Variants in SDAD1 observed in about 807,000 individuals in gnomAD.
The protein encoded by SDAD1 is protein SDA1 homolog.
In SDAD1, 79 loss-of-function variants were observed where a neutral mutation model predicts 100.3. The observed-to-expected ratio is 0.79, with a 90% CI of 0.66 to 0.95. The LOEUF (loss-of-function observed/expected upper bound fraction) is 0.95. Ranked by LOEUF, SDAD1 falls within the 40% of genes least tolerant of loss-of-function variation. SDAD1 has a pLI of 0.00. For missense variants in SDAD1, 790 were observed against 810.9 expected (o/e 0.97, Z 0.31); for synonymous variants, 267 against 271.4 (o/e 0.98, Z 0.16).
intron 20 of SDAD1, among the ~76,000 whole-genome samples, chr4:75,956,617 C>T (rs1348331814): frequency 6.6e-6 from 1 of 152,188 alleles, no homozygotes; most frequent in Non-Finnish European, 1.5e-5. Context: ...AGGACACAGA[C>T]ATGAGCAGCC....
At chr4:75,950,862 C>G (rs1351725583) in intron 21 of SDAD1, 65 bp from the exon 22 acceptor site, 2 of 1,120,448 alleles carry the variant, frequency 1.8e-6, no homozygotes, top group African/African-American at 3.1e-5. Flanking sequence ...AATTTGGTTA[C>G]ATGAAAGTTT....
chr4:75,957,880 C>T lies in SDAD1; in HGVS notation c.1545G>A (p.Val515=), dbSNP rs370821030. 6.2e-6 allele frequency: 10 copies of T among 1,613,606 alleles called. No individual in the cohort carries two copies. The African/African-American group carries it at 9.3e-5, about 15-fold the overall frequency. Residue 515 remains valine, a synonymous_variant, in exon 18 of 22, where the codon GTG becomes GTA. Transcript: ENST00000356260. ...EEDADGEWID[V]QHSSDEEQQE... ...GCTGTTCTTCATCGGAAGAGTGTTGCACATCAATCCATTCACCATCAGCAT... is the reference window on the plus strand; with the variant it reads ...GCTGTTCTTCATCGGAAGAGTGTTGTACATCAATCCATTCACCATCAGCAT...
intron 1 of SDAD1, 162 bp downstream of exon 1, chr4:75,990,590 G>A: frequency 6.8e-7 from 1 of 1,465,598 alleles, no homozygotes; most frequent in Non-Finnish European, 9.4e-7. Flanking sequence ...GAACCCTAAG[G>A]CATGTCCCGT....
At chr4:75,973,187 G>A (rs1016668642) in intron 8 of SDAD1, 130 bp downstream of exon 8, 27 of 661,504 alleles carry the variant, frequency 4.1e-5, no homozygotes, top group Non-Finnish European at 6.9e-5. Context: ...AAAATAGCAT[G>A]GCAGAATTCA....
At chr4:75,968,534 G>A (rs1436308295) in intron 11 of SDAD1, among the ~76,000 whole-genome samples, 7 of 152,170 alleles carry the variant, frequency 4.6e-5, no homozygotes, top group East Asian at 1.9e-4. Flanking sequence ...AACAGTATGT[G>A]TAAAGTTCCC....
At chr4:75,963,645 C>A (rs547005560) in intron 14 of SDAD1, among the ~76,000 whole-genome samples, 2 of 152,070 alleles carry the variant, frequency 1.3e-5, no homozygotes, top group Non-Finnish European at 2.9e-5. Context: ...GAGAAGGTCC[C>A]TTATCACCAG....
chr4:75,960,814 T>C (rs2149312276), intron 16 of SDAD1, among the ~76,000 whole-genome samples: 1 of 152,310 alleles, frequency 6.6e-6, no homozygotes, highest in African/African-American at 2.4e-5. Context: ...GCCTGATAGG[T>C]CTTCAAGACA....
In SDAD1 at chr4:75,981,669, T is replaced by C. The variant is rs1445010233; in HGVS notation, c.196-199A>G. 4.7e-5 allele frequency: 44 copies of C among 937,894 alleles called. No individual in the cohort carries two copies. The East Asian group carries it at 1.1e-3, about 24-fold the overall frequency. The allele number at this position is 937,894 out of a possible 1,614,324, so 58.1% of individuals were successfully genotyped here. ...GTTTCTCTAGTCTTAGTAATATTTATGGCATGATTTAGTACCTGCTTTTAT... is the reference window on the plus strand; with the variant it reads ...GTTTCTCTAGTCTTAGTAATATTTACGGCATGATTTAGTACCTGCTTTTAT... On this transcript the variant is annotated intron_variant, in intron 2 of 21. Transcript: ENST00000356260.
intron 6 of SDAD1, among the ~76,000 whole-genome samples, chr4:75,974,805 G>T (rs1482646194): frequency 6.6e-6 from 1 of 152,150 alleles, no homozygotes; most frequent in Non-Finnish European, 1.5e-5. Flanking sequence ...ACTTTGGGAG[G>T]CCGAAGCGGG....
chr4:75,986,081 T>C (rs887402325), intron 1 of SDAD1, among the ~76,000 whole-genome samples: 7 of 152,198 alleles, frequency 4.6e-5, no homozygotes, highest in South Asian at 2.1e-4. Context: ...CTGAACATGG[T>C]TGGAGAAAAT....
At chr4:75,963,476 G>A (rs1729365745) in intron 14 of SDAD1, among the ~76,000 whole-genome samples, 1 of 152,030 alleles carries the variant, frequency 6.6e-6, no homozygotes, top group East Asian at 1.9e-4. Context: ...AAATTACCTT[G>A]GGCAGTATGG....
chr4:75,951,745 C>T (rs1728640169), intron 21 of SDAD1, among the ~76,000 whole-genome samples: 1 of 152,084 alleles, frequency 6.6e-6, no homozygotes, highest in Non-Finnish European at 1.5e-5. Context: ...CAAAAGAAAG[C>T]AAACATAGTA....
intron 13 of SDAD1, 41 bp from the exon 14 acceptor site, chr4:75,964,252 T>A (rs1051666165): frequency 7.7e-7 from 1 of 1,296,002 alleles, no homozygotes; most frequent in East Asian, 2.4e-5. Context: ...TGATTAAATG[T>A]CTGCATACAC....
At position 75,968,088 on chromosome 4, in the gene SDAD1, G is replaced by C. The variant is rs1212212756; in HGVS notation, c.988-754C>G. On this transcript the variant is annotated intron_variant, in intron 11 of 21. Coordinates refer to ENST00000356260, the MANE Select transcript of SDAD1 (RefSeq NM_018115.4). Reference sequence around the variant, plus strand: ...AGGGAAGACTTTGGTTGAACATAATGATGGATGTTCAATTGTAGTCAGTTG... The same window carrying C: ...AGGGAAGACTTTGGTTGAACATAATCATGGATGTTCAATTGTAGTCAGTTG... Among the ~76,000 whole-genome samples the C allele has an allele frequency of 2.6e-5, 4 of 152,284 alleles. No homozygotes were observed. In the East Asian group the frequency reaches 7.7e-4, roughly 29 times the overall value.
At chr4:75,989,186 A>G (rs1377724229) in intron 1 of SDAD1, among the ~76,000 whole-genome samples, 7 of 152,072 alleles carry the variant, frequency 4.6e-5, no homozygotes, top group Non-Finnish European at 7.4e-5. Context: ...TATGCTGACT[A>G]CACTTTAGCT....
At chr4:75,965,152 T>G (rs1328808445) in intron 13 of SDAD1, among the ~76,000 whole-genome samples, 7 of 152,186 alleles carry the variant, frequency 4.6e-5, no homozygotes, top group Admixed American at 3.9e-4. Context: ...AAAGAGAATG[T>G]GTTCCTAGAG....
At position 75,981,400 on chromosome 4, in the gene SDAD1, T is replaced by C. The variant is rs1730502345; in HGVS notation, c.266A>G (p.His89Arg). Residue 89 changes from histidine to arginine, a missense_variant, in exon 3 of 22, where the codon CAT becomes CGT. Coordinates refer to ENST00000356260, the MANE Select transcript of SDAD1 (RefSeq NM_018115.4). ...QEVKDLLSCN[H>R]TVLDPDLRMT... ...TCGCAGATCTGGATCCAATACGGTA[T>C]GATTGCAGGAGAGAAGATCTTTCAC... The C allele has an allele frequency of 1.2e-6, 2 of 1,613,918 alleles. No individual in the cohort carries two copies. Among genetic ancestry groups the C allele is most frequent in the East Asian group, 4.5e-5 (2 of 44,864 alleles).
chr4:75,979,254 G>A (rs768162184), intron 3 of SDAD1, among the ~76,000 whole-genome samples: 1 of 151,994 alleles, frequency 6.6e-6, no homozygotes, highest in South Asian at 2.1e-4. Flanking sequence ...GTGTAAGCAG[G>A]ACAGAGTGAA....
In SDAD1 at chr4:75,962,267, A is replaced by G. The variant is rs549739898; in HGVS notation, c.1182-959T>C. On this transcript the variant is annotated intron_variant, in intron 14 of 21. Transcript: ENST00000356260. ...GGCTGCATAGTATTCCATAGCGTAT[A>G]TGTGCCACATTTTCTTAATCCAGTC... Among the ~76,000 whole-genome samples the G allele has an allele frequency of 2.9e-3, 449 of 152,322 alleles. 1 individual carries two copies. The highest frequency in any genetic ancestry group is 0.01 in the African/African-American group (421 of 41,566).
Sources: allele counts gnomAD v4.1 joint callset (sites outside exome capture counted in the v4.1 genomes callset), GRCh38; gene constraint gnomAD v4.1.1; transcripts MANE v1.5; gene names NCBI Gene and HGNC (gene_info 2026-07-23, HGNC 2026-07-21).